Variants in ZGRF1 observed in about 807,000 individuals in gnomAD.
ZGRF1 encodes the protein 5'-3' DNA helicase ZGRF1.
In ZGRF1, 196 loss-of-function variants were observed where a neutral mutation model predicts 203.5. That is an observed-to-expected ratio of 0.96 (90% CI 0.86 to 1.08). ZGRF1 has a LOEUF of 1.08. Among genes scored for constraint, ZGRF1 ranks in the 50% least tolerant of loss-of-function variants. ZGRF1 has a pLI of 0.00. For synonymous variants in ZGRF1, 809 were observed against 841.3 expected, an observed-to-expected ratio of 0.96 and a Z score of 0.66; for missense variants, 2,326 against 2,416.3, an observed-to-expected ratio of 0.96 and a Z score of 0.78.
chr4:112,601,829 G>T (rs1289383242), intron 10 of ZGRF1, among the ~76,000 whole-genome samples: 1 of 152,106 alleles, frequency 6.6e-6, no homozygotes, highest in East Asian at 1.9e-4. Flanking sequence ...TATTTGCAAA[G>T]CATACAACTG....
chr4:112,572,060 C>A (rs1056173484), intron 16 of ZGRF1, among the ~76,000 whole-genome samples: 2 of 151,976 alleles, frequency 1.3e-5, no homozygotes, highest in African/African-American at 4.8e-5. Flanking sequence ...ACTATTCTAG[C>A]AAAATTGGTA....
At chr4:112,625,646 C>A (rs1195546383) in intron 3 of ZGRF1, among the ~76,000 whole-genome samples, 3 of 150,908 alleles carry the variant, frequency 2.0e-5, no homozygotes, top group African/African-American at 7.3e-5. Flanking sequence ...TCTGTAATCC[C>A]AGCACTTTGG....
intron 9 of ZGRF1, among the ~76,000 whole-genome samples, chr4:112,604,121 G>A (rs969794614): frequency 1.3e-5 from 2 of 152,052 alleles, no homozygotes; most frequent in African/African-American, 2.4e-5. Context: ...CTACTCGGGA[G>A]GCTGAGGCCG....
At chr4:112,596,831 G>A (rs1168512055) in intron 10 of ZGRF1, among the ~76,000 whole-genome samples, 1 of 152,126 alleles carries the variant, frequency 6.6e-6, no homozygotes, top group Non-Finnish European at 1.5e-5. Context: ...GAGCTCAGGT[G>A]ATCTGCCCAC....
Position 112,587,551 on chromosome 4 carries a change from T to G in ZGRF1, c.3506A>C (p.Asp1169Ala). The G allele has an allele frequency of 6.2e-7, 1 of 1,613,898 alleles. No individual in the cohort carries two copies. Among genetic ancestry groups the G allele is most frequent in the Non-Finnish European group, 8.5e-7 (1 of 1,179,852 alleles). The part of the protein sequence containing the change: ...TPNRVDKRIT[D>A]GFFAEAVSGM... The stretch of plus-strand genomic sequence containing the variant: ...AGAAACAGCCTCAGCAAAGAAGCCA[T>G]CAGTTATTCTCTTATCAACTCTGTT... The change falls in exon 12 of 28, where the codon GAT (aspartate) becomes GCT (alanine). Residue 1169 changes from aspartate (D) to alanine (A), a missense_variant. Coordinates refer to ENST00000505019, the MANE Select transcript of ZGRF1 (RefSeq NM_018392.5).
intron 5 of ZGRF1, 31 bp from the exon 6 acceptor site, chr4:112,619,721 C>G: frequency 6.9e-7 from 1 of 1,452,842 alleles, no homozygotes; most frequent in Non-Finnish European, 9.3e-7. Flanking sequence ...GTTAGGTGTA[C>G]CATTACCCAT....
In ZGRF1 at chr4:112,610,532, C is replaced by T. The variant is rs186629694; in HGVS notation, c.2668-1103G>A. Reference sequence around the variant, plus strand: ...GCTGCAGTAAGCCGAGATCATGCCACTGCTCTCCAGCCTGGGCAATAGAGC... The same window carrying T: ...GCTGCAGTAAGCCGAGATCATGCCATTGCTCTCCAGCCTGGGCAATAGAGC... On this transcript the variant is annotated intron_variant, in intron 7 of 27. Coordinates refer to ENST00000505019, the MANE Select transcript of ZGRF1 (RefSeq NM_018392.5). Among the ~76,000 whole-genome samples, 304 of 152,084 alleles carry T rather than the reference C, an allele frequency of 2.0e-3. 2 individuals carry two copies. Among genetic ancestry groups the T allele is most frequent in the Non-Finnish European group, 3.7e-3 (250 of 67,998 alleles).
chr4:112,568,270 G>C lies in ZGRF1; in HGVS notation c.4439-4996C>G, dbSNP rs533044198. On this transcript the variant is annotated intron_variant, in intron 16 of 27. Coordinates refer to ENST00000505019, the MANE Select transcript of ZGRF1 (RefSeq NM_018392.5). ...AGTAAAAAAAAGATGATGAACTTTA[G>C]ATTTAAAAGGCCCATAATGTGCCCA... 2.6e-5 allele frequency among the ~76,000 whole-genome samples: 4 copies of C among 152,132 alleles called. No homozygotes were observed. In the East Asian group the frequency reaches 7.7e-4, roughly 29 times the overall value.
At position 112,540,005 on chromosome 4, in the gene ZGRF1, C is replaced by T. The variant is rs543722363; in HGVS notation, c.6030G>A (p.Arg2010=). 3 of 1,613,488 alleles carry T rather than the reference C, an allele frequency of 1.9e-6. No homozygotes were observed. The East Asian group carries it at 6.7e-5, about 36-fold the overall frequency. Residue 2010 remains arginine, a synonymous_variant, in exon 27 of 28, where the codon AGG becomes AGA. Transcript: ENST00000505019. ...AATCAATGAATCCTACTTGTCTTGT[C>T]CTTACACAGGACAGAATAATGATCT... is the stretch of plus-strand genomic sequence containing the variant. ...EKEIIILSCV[R]TRQVGFIDSE...
In ZGRF1 at chr4:112,619,083, G is replaced by A; in HGVS notation, c.959C>T (p.Thr320Ile). The change falls in exon 6 of 28, where the codon ACC becomes ATC. Residue 320 changes from threonine to isoleucine, a missense_variant. Transcript: ENST00000505019. The part of the protein sequence containing the change: ...NLYYQHQSEN[T>I]MRNKSRWAMY... The stretch of plus-strand genomic sequence containing the variant: ...GGCCCACCGGCTTTTATTTCTCATG[G>A]TATTTTCTGATTGATGCTGGTAGTA... The A allele has an allele frequency of 6.2e-7, 1 of 1,613,838 alleles. No homozygotes were observed. Among genetic ancestry groups the A allele is most frequent in the South Asian group, 1.1e-5 (1 of 91,068 alleles).
At chr4:112,616,119 T>C (rs2046860493) in intron 6 of ZGRF1, among the ~76,000 whole-genome samples, 2 of 152,226 alleles carry the variant, frequency 1.3e-5, no homozygotes. Flanking sequence ...GGTTTCTTAC[T>C]AGCAGTAATA....
chr4:112,624,147 A>C (rs1168143787), intron 3 of ZGRF1, among the ~76,000 whole-genome samples: 1 of 148,862 alleles, frequency 6.7e-6, no homozygotes, highest in Non-Finnish European at 1.5e-5. Flanking sequence ...TCTTCGCAAT[A>C]AATCTTGCTA....
intron 18 of ZGRF1, 41 bp from the exon 19 acceptor site, chr4:112,561,036 G>T (rs1169634801): frequency 3.4e-6 from 5 of 1,490,166 alleles, no homozygotes; most frequent in Non-Finnish European, 3.7e-6. Context: ...AAAAAAAGGG[G>T]CATTTGAAAA....
intron 10 of ZGRF1, among the ~76,000 whole-genome samples, chr4:112,598,707 A>G (rs1054017753): frequency 6.6e-6 from 1 of 152,156 alleles, no homozygotes; most frequent in African/African-American, 2.4e-5. Context: ...AGAAATCACA[A>G]AAAACACTGA....
At chr4:112,546,709 A>T (rs1738847407) in intron 24 of ZGRF1, 1 of 152,278 alleles carries the variant, frequency 6.6e-6, no homozygotes, top group South Asian at 2.1e-4. Context: ...GAATGCCATT[A>T]TCACATGAGT....
chr4:112,563,050 T>C (rs1742304036), intron 17 of ZGRF1, 81 bp downstream of exon 17: 1 of 1,244,538 alleles, frequency 8.0e-7, no homozygotes. Flanking sequence ...TGGGTCCTTT[T>C]TGTTGGCTTT....
intron 15 of ZGRF1, among the ~76,000 whole-genome samples, chr4:112,582,742 G>A (rs922133875): frequency 6.6e-6 from 1 of 152,206 alleles, no homozygotes; most frequent in African/African-American, 2.4e-5. Flanking sequence ...TTACAGGCGT[G>A]AGATCATGCC....
At position 112,594,311 on chromosome 4, in the gene ZGRF1, A is replaced by T. The variant is rs1230187990; in HGVS notation, c.2977-4437T>A. On this transcript the variant is annotated intron_variant, in intron 10 of 27. Coordinates refer to ENST00000505019, the MANE Select transcript of ZGRF1 (RefSeq NM_018392.5). ...ATTCACAAATTTTATATTCAACAGT[A>T]AATTTCATAGTCTGTTTTACACATG... Among the ~76,000 whole-genome samples the T allele has an allele frequency of 2.0e-5, 3 of 152,192 alleles. No homozygotes were observed. The East Asian group carries it at 5.8e-4, about 29-fold the overall frequency.
chr4:112,617,673 T>C lies in ZGRF1; in HGVS notation c.2369A>G (p.Lys790Arg). 2 of 1,613,992 alleles carry C rather than the reference T, an allele frequency of 1.2e-6. No homozygotes were observed. Among genetic ancestry groups the C allele is most frequent in the Non-Finnish European group, 1.7e-6 (2 of 1,179,952 alleles). ...ATGGTCAGGGGGTGGACTTCTAATC[T>C]TTCCCAAATCTTCAGGTTCAGATAT... ...AHISEPEDLG[K>R]IRSPPPDHVE... is the part of the protein sequence containing the mutation. The change falls in exon 6 of 28, where the codon AAG becomes AGG. Residue 790 changes from lysine to arginine, a missense_variant. Transcript: ENST00000505019.
Sources: allele counts gnomAD v4.1 joint callset (sites outside exome capture counted in the v4.1 genomes callset), GRCh38; gene constraint gnomAD v4.1.1; transcripts MANE v1.5; gene names NCBI Gene and HGNC (gene_info 2026-07-23, HGNC 2026-07-21).